Variants in SLC22A9 observed in about 807,000 individuals in gnomAD.
SLC22A9 encodes solute carrier family 22 member 9.
In SLC22A9, 64 loss-of-function variants were observed where a neutral mutation model predicts 50.1. That is an observed-to-expected ratio of 1.28 (90% CI 1.04 to 1.57). The LOEUF (loss-of-function observed/expected upper bound fraction) is 1.57, where lower values mean the gene tolerates loss of function less well. Among genes scored for constraint, SLC22A9 ranks in the 40% most tolerant of loss-of-function variants. The pLI is 0.00. For missense variants in SLC22A9, 757 were observed against 676.1 expected (o/e 1.12, Z -1.33); for synonymous variants, 261 against 242.5 (o/e 1.08, Z -0.71).
rs199557923 is a variant in SLC22A9, at chr11:63,409,818, G to C, written c.1618G>C (p.Glu540Gln). ...DEKNERKDPR[E>Q]PKQEDPRVEV... ...TTGTTCTAGGAGAAAAGACCCCAGA[G>C]AACCAAAGCAAGAGGATCCGAGAGT... The change falls in exon 10 of 10, where the codon GAA becomes CAA. Residue 540 changes from glutamate (E) to glutamine (Q), a missense_variant. Physicochemically the swap from Glu to Gln is conservative, Grantham distance 29. Coordinates refer to ENST00000279178, the MANE Select transcript of SLC22A9 (RefSeq NM_080866.3). 3.3e-5 allele frequency: 54 copies of C among 1,613,466 alleles called. No homozygotes were observed. Among genetic ancestry groups the C allele is most frequent in the Non-Finnish European group, 4.5e-5 (53 of 1,179,794 alleles).
chr11:63,376,123 T>C (rs1252430478), intron 5 of SLC22A9, among the ~76,000 whole-genome samples: 2 of 152,072 alleles, frequency 1.3e-5, no homozygotes, highest in Admixed American at 6.6e-5. Flanking sequence ...TTCAGGGTAG[T>C]AAAGCCAGAG....
At chr11:63,385,270 A>G (rs76637655) in intron 6 of SLC22A9, among the ~76,000 whole-genome samples, 2,415 of 151,908 alleles carry the variant, frequency 0.016, 64 homozygotes, top group African/African-American at 0.056. Context: ...TGTCCCAGCT[A>G]TATGAGCTCT....
chr11:63,404,896 C>T (rs556537607), intron 6 of SLC22A9, among the ~76,000 whole-genome samples: 18 of 152,138 alleles, frequency 1.2e-4, no homozygotes, highest in African/African-American at 3.6e-4. Flanking sequence ...AGACAGAAAG[C>T]GTAAATTCAG....
intron 6 of SLC22A9, among the ~76,000 whole-genome samples, chr11:63,382,855 A>G (rs917046073): frequency 2.0e-5 from 3 of 152,200 alleles, no homozygotes; most frequent in Admixed American, 6.5e-5. Context: ...CACAAACCCA[A>G]GAACAGTTGC....
intron 6 of SLC22A9, among the ~76,000 whole-genome samples, chr11:63,383,508 C>G (rs1380363684): frequency 6.6e-6 from 1 of 152,124 alleles, no homozygotes; most frequent in African/African-American, 2.4e-5. Flanking sequence ...CCCCTAGAAT[C>G]TCTATTTGGG....
At chr11:63,399,353 A>C (rs1251952975) in intron 6 of SLC22A9, among the ~76,000 whole-genome samples, 1 of 152,162 alleles carries the variant, frequency 6.6e-6, no homozygotes, top group Non-Finnish European at 1.5e-5. Flanking sequence ...GAATGGAGAG[A>C]AAAAGGTATT....
intron 9 of SLC22A9, 50 bp from the exon 10 acceptor site, chr11:63,409,752 T>G: frequency 6.4e-7 from 1 of 1,566,202 alleles, no homozygotes; most frequent in Non-Finnish European, 8.7e-7. Flanking sequence ...GTTTAGTCCA[T>G]GTCTTTTCAT....
intron 6 of SLC22A9, among the ~76,000 whole-genome samples, chr11:63,382,977 G>T (rs1285047799): frequency 6.6e-6 from 1 of 152,170 alleles, no homozygotes; most frequent in African/African-American, 2.4e-5. Context: ...CTCCCTCATA[G>T]AAAAGGAAGG....
chr11:63,375,810 T>C, intron 5 of SLC22A9, 42 bp downstream of exon 5: 1 of 1,600,984 alleles, frequency 6.2e-7, no homozygotes, highest in East Asian at 2.2e-5. Context: ...AGGGAAGACA[T>C]AACTTGTCAT....
At chr11:63,400,488 G>A (rs1007609303) in intron 6 of SLC22A9, among the ~76,000 whole-genome samples, 2 of 151,914 alleles carry the variant, frequency 1.3e-5, no homozygotes, top group Admixed American at 1.3e-4. Context: ...CATGAACAGA[G>A]CAATAACCAG....
chr11:63,390,708 G>GT (rs537268770), intron 6 of SLC22A9, among the ~76,000 whole-genome samples: 110 of 152,232 alleles, frequency 7.2e-4, no homozygotes, highest in African/African-American at 2.6e-3. Context: ...ATTTAAAGTA[G>GT]TTTTTTCTAA....
intron 6 of SLC22A9, among the ~76,000 whole-genome samples, chr11:63,403,821 A>AAATC (rs932793343): frequency 1.3e-5 from 2 of 151,424 alleles, no homozygotes; most frequent in Admixed American, 6.6e-5. Context: ...ATAAATAAAT[A>AAATC]AATCAATCAA....
chr11:63,401,367 T>C (rs2014949677), intron 6 of SLC22A9, among the ~76,000 whole-genome samples: 1 of 151,982 alleles, frequency 6.6e-6, no homozygotes, highest in African/African-American at 2.4e-5. Context: ...AACAGCAATC[T>C]GAAAAGGAAA....
chr11:63,393,739 T>A (rs555973046), intron 6 of SLC22A9, among the ~76,000 whole-genome samples: 1 of 152,278 alleles, frequency 6.6e-6, no homozygotes, highest in African/African-American at 2.4e-5. Flanking sequence ...ATTTTTTCCT[T>A]CATTTCAACC....
At chr11:63,390,570 G>T (rs1388909783) in intron 6 of SLC22A9, among the ~76,000 whole-genome samples, 1 of 151,606 alleles carries the variant, frequency 6.6e-6, no homozygotes, top group Non-Finnish European at 1.5e-5. Context: ...GCTGTTTTGG[G>T]GTCTGTAACC....
chr11:63,378,430 C>G (rs1324818144), intron 5 of SLC22A9, among the ~76,000 whole-genome samples: 1 of 151,992 alleles, frequency 6.6e-6, no homozygotes, highest in Non-Finnish European at 1.5e-5. Context: ...ACTGAATACA[C>G]AAAACCTGGA....
Position 63,375,700 on chromosome 11 carries a change from T to G in SLC22A9, c.886T>G (p.Leu296Val). The change falls in exon 5 of 10, where the codon TTA becomes GTA. Residue 296 changes from leucine (L) to valine (V), a missense_variant. Leu to Val is a conservative substitution (Grantham distance 32). Transcript: ENST00000279178. ...TATCAACAATAAACCAGAGGAAGGCTTAAAGGAACTTAGAAAAGCTGCACA... is the reference window on the plus strand; with the variant it reads ...TATCAACAATAAACCAGAGGAAGGCGTAAAGGAACTTAGAAAAGCTGCACA... ...LIINNKPEEG[L>V]KELRKAAHRS... 6.2e-7 allele frequency: 1 copy of G among 1,612,768 alleles called. No individual in the cohort carries two copies. Among genetic ancestry groups the G allele is most frequent in the Non-Finnish European group, 8.5e-7 (1 of 1,179,134 alleles).
At chr11:63,401,431 T>C (rs2014950621) in intron 6 of SLC22A9, among the ~76,000 whole-genome samples, 1 of 151,952 alleles carries the variant, frequency 6.6e-6, no homozygotes, top group Non-Finnish European at 1.5e-5. Flanking sequence ...TACCTAGTAA[T>C]AAACTACACC....
intron 6 of SLC22A9, among the ~76,000 whole-genome samples, chr11:63,388,832 A>G (rs2014713195): frequency 1.3e-5 from 2 of 152,144 alleles, no homozygotes; most frequent in South Asian, 4.1e-4. Flanking sequence ...AAGACCTTTT[A>G]TTATAGCTTT....
Sources: gnomAD v4.1 joint callset for allele counts (sites outside exome capture counted in the v4.1 genomes callset) on GRCh38, gnomAD v4.1.1 for gene constraint, MANE v1.5 for transcripts, NCBI Gene and HGNC (gene_info 2026-07-23, HGNC 2026-07-21) for gene names.